Variants in DAB1 observed in about 807,000 individuals in gnomAD.
DAB1 encodes disabled homolog 1.
A neutral mutation model predicts 64.6 loss-of-function variants in DAB1; 15 were observed. The ratio of observed to expected loss-of-function variants is 0.23; its 90% CI spans 0.16 to 0.36. The LOEUF is 0.36. Ranked by LOEUF, DAB1 falls within the 10% of genes least tolerant of loss-of-function variation. DAB1 has a pLI of 1.00. For synonymous variants in DAB1, 235 were observed against 251.9 expected (o/e 0.93, Z 0.64); for missense variants, 596 against 706.7 (o/e 0.84, Z 1.78).
At chr1:57,422,985 C>T (rs1002099245) in intron 1 of DAB1, among the ~76,000 whole-genome samples, 1 of 152,064 alleles carries the variant, frequency 6.6e-6, no homozygotes, top group Non-Finnish European at 1.5e-5. Context: ...GCAGCAGCCA[C>T]CCTGGTTTTG....
chr1:57,139,629 G>T (rs1173139004), intron 3 of DAB1, among the ~76,000 whole-genome samples: 1 of 152,086 alleles, frequency 6.6e-6, no homozygotes, highest in Non-Finnish European at 1.5e-5. Context: ...TACACCTTTG[G>T]TCAGGGAGAG....
intron 4 of DAB1, among the ~76,000 whole-genome samples, chr1:58,224,144 T>C (rs926857789): frequency 6.6e-6 from 1 of 152,154 alleles, no homozygotes; most frequent in African/African-American, 2.4e-5. Context: ...ACAAACCAGG[T>C]TCAAATCCTT....
At chr1:58,251,537 A>G (rs1440416301) in intron 4 of DAB1, among the ~76,000 whole-genome samples, 3 of 152,186 alleles carry the variant, frequency 2.0e-5, no homozygotes, top group Non-Finnish European at 4.4e-5. Flanking sequence ...ATGATAAGGA[A>G]CCAGTCATTA....
At chr1:58,232,476 TACACACACACACAC>T (rs58863239) in intron 4 of DAB1, among the ~76,000 whole-genome samples, 3,035 of 143,824 alleles carry the variant, frequency 0.021, 51 homozygotes, top group Middle Eastern at 0.039. Context: ...TCTGAGTGAA[TACACACACACACAC>T]ACACACACAC....
At chr1:57,139,557 C>T (rs1387832161) in intron 3 of DAB1, among the ~76,000 whole-genome samples, 1 of 152,160 alleles carries the variant, frequency 6.6e-6, no homozygotes, top group Non-Finnish European at 1.5e-5. Context: ...AGACTCTCTC[C>T]TTCTGGTTTT....
At chr1:57,985,467 G>C (rs577442021) in intron 5 of DAB1, among the ~76,000 whole-genome samples, 2 of 152,086 alleles carry the variant, frequency 1.3e-5, no homozygotes, top group African/African-American at 4.8e-5. Flanking sequence ...TCAGGCCTTC[G>C]AGAGGTGATT....
intron 3 of DAB1, among the ~76,000 whole-genome samples, chr1:58,447,410 A>C (rs1465391336): frequency 6.6e-6 from 1 of 151,960 alleles, no homozygotes; most frequent in Non-Finnish European, 1.5e-5. Context: ...CACAAAGATA[A>C]ACTTTCCTGC....
chr1:57,673,172 G>T (rs749781755), intron 6 of DAB1, among the ~76,000 whole-genome samples: 2 of 152,006 alleles, frequency 1.3e-5, no homozygotes, highest in African/African-American at 4.8e-5. Flanking sequence ...TCTTCTTCTC[G>T]CTGTGTCCTC....
intron 7 of DAB1, among the ~76,000 whole-genome samples, chr1:57,629,240 T>C (rs1166573687): frequency 6.6e-6 from 1 of 152,228 alleles, no homozygotes; most frequent in African/African-American, 2.4e-5. Flanking sequence ...AAAAGATTAC[T>C]AAACATATGT....
At chr1:57,787,786 G>C (rs770331888) in intron 6 of DAB1, among the ~76,000 whole-genome samples, 3 of 151,936 alleles carry the variant, frequency 2.0e-5, no homozygotes, top group Non-Finnish European at 2.9e-5. Flanking sequence ...TAAAGGACTC[G>C]TAAGAAGAAT....
chr1:57,965,942 G>C (rs193076223), intron 5 of DAB1, among the ~76,000 whole-genome samples: 2 of 152,222 alleles, frequency 1.3e-5, no homozygotes, highest in East Asian at 3.9e-4. Context: ...AAATGGCGGG[G>C]GGGGAGAGGA....
intron 14 of DAB1, among the ~76,000 whole-genome samples, chr1:57,006,603 C>T (rs964586094): frequency 3.3e-5 from 5 of 152,144 alleles, no homozygotes; most frequent in African/African-American, 1.2e-4. Context: ...GCTACAGGAC[C>T]TCGACAGGGA....
At chr1:57,148,747 G>C (rs559844434) in intron 2 of DAB1, among the ~76,000 whole-genome samples, 18 of 152,294 alleles carry the variant, frequency 1.2e-4, no homozygotes, top group Admixed American at 1.2e-3. Context: ...CTTCACATTT[G>C]CTCTTGAGTT....
intron 6 of DAB1, among the ~76,000 whole-genome samples, chr1:57,668,861 C>G (rs1646478100): frequency 6.6e-6 from 1 of 152,022 alleles, no homozygotes; most frequent in Admixed American, 6.6e-5. Context: ...TGTGAGAACT[C>G]TATTATAATC....
chr1:57,694,451 C>T (rs1199614821), intron 6 of DAB1, among the ~76,000 whole-genome samples: 1 of 151,924 alleles, frequency 6.6e-6, no homozygotes, highest in Non-Finnish European at 1.5e-5. Context: ...TCACTGGTCA[C>T]GGCAGATAAT....
At chr1:57,678,148 A>T (rs557713356) in intron 6 of DAB1, among the ~76,000 whole-genome samples, 1 of 152,280 alleles carries the variant, frequency 6.6e-6, no homozygotes, top group African/African-American at 2.4e-5. Context: ...GGATTCATAG[A>T]AAGAAGTAGA....
chr1:58,246,682 T>G (rs2100392713), intron 4 of DAB1, among the ~76,000 whole-genome samples: 1 of 152,254 alleles, frequency 6.6e-6, no homozygotes, highest in East Asian at 1.9e-4. Flanking sequence ...TGTATATGTG[T>G]GCGAAGGCAT....
At chr1:58,400,123 A>C (rs1173827474) in intron 3 of DAB1, among the ~76,000 whole-genome samples, 9 of 152,104 alleles carry the variant, frequency 5.9e-5, no homozygotes, top group African/African-American at 2.2e-4. Flanking sequence ...ATCTGTCAGC[A>C]TCCCAGGCAG....
chr1:58,288,328 T>C (rs181205099), intron 4 of DAB1, among the ~76,000 whole-genome samples: 2 of 152,322 alleles, frequency 1.3e-5, no homozygotes, highest in East Asian at 1.9e-4. Context: ...GAAGTTTCTG[T>C]CTGGATCTCT....
Sources: allele counts gnomAD v4.1 joint callset (sites outside exome capture counted in the v4.1 genomes callset), GRCh38; gene constraint gnomAD v4.1.1; transcripts MANE v1.5; gene names NCBI Gene and HGNC (gene_info 2026-07-23, HGNC 2026-07-21).